Variants in PTK2 observed in about 807,000 individuals in gnomAD.
The protein encoded by PTK2 is focal adhesion kinase 1.
Under a neutral mutation model 150.1 loss-of-function variants are expected in PTK2, and 45 were observed. The observed-to-expected ratio is 0.30, with a 90% confidence interval of 0.24 to 0.38. The LOEUF (loss-of-function observed/expected upper bound fraction) is 0.38, where lower values mean the gene tolerates loss of function less well. PTK2 is among the 10% of genes least tolerant of loss of function. The pLI, the probability that PTK2 is intolerant of heterozygous loss-of-function variation, is 1.00. For synonymous variants in PTK2, 432 were observed against 449.2 expected (o/e 0.96, Z 0.48); for missense variants, 919 against 1,307.3 (o/e 0.70, Z 4.58).
At chr8:140,980,393 G>C (rs1195335619) in intron 1 of PTK2, among the ~76,000 whole-genome samples, 1 of 152,066 alleles carries the variant, frequency 6.6e-6, no homozygotes, top group East Asian at 1.9e-4. Flanking sequence ...CGAAGCAGGC[G>C]GATTGGATCA....
At chr8:140,782,577 A>G (rs2100082457) in intron 14 of PTK2, among the ~76,000 whole-genome samples, 1 of 152,046 alleles carries the variant, frequency 6.6e-6, no homozygotes, top group South Asian at 2.1e-4. Flanking sequence ...AGTGTCCCGT[A>G]GATTTGGTAG....
intron 12 of PTK2, among the ~76,000 whole-genome samples, chr8:140,798,078 G>A (rs758058615): frequency 6.6e-6 from 1 of 152,146 alleles, no homozygotes; most frequent in Admixed American, 6.6e-5. Context: ...GCTATGTTAT[G>A]CATATACATG....
chr8:140,679,007 T>TG (rs1564184266), intron 27 of PTK2, among the ~76,000 whole-genome samples: 288 of 8,150 alleles, frequency 0.035, 3 homozygotes, highest in African/African-American at 0.093. Flanking sequence ...CCCCATGTTT[T>TG]TTTTTTTTTT....
chr8:140,963,693 TTC>T (rs2100184203), intron 1 of PTK2, among the ~76,000 whole-genome samples: 1 of 152,218 alleles, frequency 6.6e-6, no homozygotes, highest in Non-Finnish European at 1.5e-5. Flanking sequence ...ATATTAGAAA[TTC>T]TTTGCTTTGA....
chr8:140,837,165 T>C (rs552315423), intron 7 of PTK2, among the ~76,000 whole-genome samples: 76 of 152,332 alleles, frequency 5.0e-4, no homozygotes, highest in African/African-American at 1.7e-3. Flanking sequence ...ATAAAAGTCT[T>C]GTCTGTTTTG....
intron 23 of PTK2, among the ~76,000 whole-genome samples, chr8:140,711,097 C>A (rs1395084376): frequency 6.6e-6 from 1 of 151,774 alleles, no homozygotes; most frequent in African/African-American, 2.4e-5. Context: ...GCAATCACAC[C>A]CAGCTAATTT....
intron 7 of PTK2, among the ~76,000 whole-genome samples, chr8:140,843,020 C>T (rs1011023501): frequency 6.6e-6 from 1 of 152,066 alleles, no homozygotes; most frequent in Non-Finnish European, 1.5e-5. Flanking sequence ...TTCTCCATTT[C>T]ACTGACCCCT....
intron 7 of PTK2, among the ~76,000 whole-genome samples, chr8:140,835,513 T>C (rs2100118196): frequency 6.6e-6 from 1 of 152,206 alleles, no homozygotes; most frequent in South Asian, 2.1e-4. Context: ...CACCTCTAAA[T>C]TATACTCAAG....
Position 140,744,632 on chromosome 8 carries a change from G to T in PTK2, c.1634+20C>A. 6.8e-7 allele frequency: 1 copy of T among 1,460,220 alleles called. No homozygotes were observed. Among genetic ancestry groups the T allele is most frequent in the Non-Finnish European group, 9.4e-7 (1 of 1,060,468 alleles). 90.5% of individuals were successfully genotyped at this position (1,460,220 alleles called of 1,614,324 possible). ...CTACTTTTCAGAAGGGAACTTAACA[G>T]CTTTATGACTGTATCTTACCTGTGT... On this transcript the variant is annotated intron_variant, in intron 19 of 31. Coordinates refer to ENST00000522684, the Ensembl canonical transcript of PTK2.
At chr8:140,904,381 C>T (rs576545337) in intron 2 of PTK2, among the ~76,000 whole-genome samples, 2 of 152,154 alleles carry the variant, frequency 1.3e-5, no homozygotes, top group Non-Finnish European at 2.9e-5. Flanking sequence ...TTTTCATGTG[C>T]TGCTGGATTG....
chr8:140,928,927 T>C (rs2100170679), intron 1 of PTK2, among the ~76,000 whole-genome samples: 1 of 151,406 alleles, frequency 6.6e-6, no homozygotes. Flanking sequence ...ATGTCAAATT[T>C]CACATTTTTT....
At chr8:140,690,187 C>G (rs1374439562) in intron 26 of PTK2, among the ~76,000 whole-genome samples, 1 of 152,084 alleles carries the variant, frequency 6.6e-6, no homozygotes, top group Admixed American at 6.5e-5. Flanking sequence ...CACCTGACCT[C>G]ATGATCTGCC....
intron 15 of PTK2, 164 bp from the exon 19 acceptor site, chr8:140,761,426 C>A: frequency 1.5e-6 from 1 of 672,852 alleles, no homozygotes. Flanking sequence ...AATATTTTAA[C>A]AGGAATTCAT....
chr8:140,808,169 G>A (rs2100099227), intron 10 of PTK2, among the ~76,000 whole-genome samples: 1 of 152,182 alleles, frequency 6.6e-6, no homozygotes. Context: ...ATGCTGACAG[G>A]AACAATCCAG....
intron 26 of PTK2, 63 bp from the exon 30 acceptor site, chr8:140,686,757 C>T: frequency 1.4e-6 from 2 of 1,400,124 alleles, no homozygotes; most frequent in Non-Finnish European, 2.0e-6. Flanking sequence ...TTGACAGATT[C>T]TGTATTAAAT....
intron 8 of PTK2, chr8:140,821,199 TG>T (rs2100108350): frequency 1.3e-5 from 2 of 152,108 alleles, no homozygotes; most frequent in South Asian, 4.2e-4. Flanking sequence ...GCCAAGATAG[TG>T]GAACATGGGA....
chr8:140,778,263 T>A (rs2100079566), intron 14 of PTK2, among the ~76,000 whole-genome samples: 2 of 152,098 alleles, frequency 1.3e-5, no homozygotes, highest in South Asian at 4.2e-4. Context: ...AGGCCAGGAG[T>A]TTGAGACCAG....
At chr8:140,670,433 G>A (rs1295252332) in intron 29 of PTK2, among the ~76,000 whole-genome samples, 1 of 134,990 alleles carries the variant, frequency 7.4e-6, no homozygotes. Flanking sequence ...CTCCAGCCTG[G>A]GTGACAGAGC....
chr8:140,879,431 A>T, intron 4 of PTK2, 40 bp downstream of exon 4: 1 of 1,528,336 alleles, frequency 6.5e-7, no homozygotes, highest in Non-Finnish European at 8.8e-7. Flanking sequence ...AAGCAAAAGA[A>T]ATCAAGTGTG....
Sources: allele counts gnomAD v4.1 joint callset (sites outside exome capture counted in the v4.1 genomes callset), GRCh38; gene constraint gnomAD v4.1.1; transcripts MANE v1.5; gene names NCBI Gene and HGNC (gene_info 2026-07-23, HGNC 2026-07-21).